The following CSMD1 variants were observed in gnomAD, a reference collection of about 807,000 sequenced individuals.
CSMD1 encodes CUB and sushi domain-containing protein 1.
A neutral mutation model predicts 417.5 loss-of-function variants in CSMD1; 213 were observed. That is an observed-to-expected ratio of 0.51 (90% confidence interval 0.46 to 0.57). The LOEUF is 0.57. Among genes scored for constraint, CSMD1 ranks in the 20% least tolerant of loss-of-function variants. The pLI is 0.00. For missense variants in CSMD1, 6,923 were observed against 4,529.7 expected (o/e 1.53, Z -15.17); for synonymous variants, 2,862 against 1,736.8 (o/e 1.65, Z -16.11).
chr8:2,952,907 T>C (rs1051020033), intron 65 of CSMD1, among the ~76,000 whole-genome samples: 1 of 152,154 alleles, frequency 6.6e-6, no homozygotes, highest in Admixed American at 6.5e-5. Context: ...ATAATTTCAC[T>C]TGTTGCTGGC....
chr8:4,311,103 G>T (rs1057364997), intron 3 of CSMD1, among the ~76,000 whole-genome samples: 2 of 152,276 alleles, frequency 1.3e-5, no homozygotes, highest in African/African-American at 4.8e-5. Context: ...TATCTTCAAA[G>T]AGCTAGAAGC....
In CSMD1 at chr8:3,694,496, A is replaced by G. The variant is rs2624060; in HGVS notation, c.1009+13918T>C. Among the ~76,000 whole-genome samples the G allele has an allele frequency of 5.5e-3, 840 of 152,210 alleles. 10 individuals are homozygous for G. The highest frequency in any genetic ancestry group is 0.018 in the African/African-American group (741 of 41,554). ...GGCCGAAAACACCATCTGGGAAAGC[A>G]TGTGCATAGAGACAGTCTTTAAGAT... On this transcript the variant is annotated intron_variant, in intron 7 of 69. Transcript: ENST00000635120.
At chr8:3,372,946 G>A (rs1233424273) in intron 18 of CSMD1, among the ~76,000 whole-genome samples, 1 of 152,130 alleles carries the variant, frequency 6.6e-6, no homozygotes, top group Non-Finnish European at 1.5e-5. Context: ...GAATTCAGAA[G>A]GTTTGGATTC....
rs1275337549 is a variant in CSMD1, at chr8:3,718,229, T to G, written c.932-9738A>C. 3.3e-5 allele frequency among the ~76,000 whole-genome samples: 5 copies of G among 152,220 alleles called. No homozygotes were observed. The East Asian group carries it at 9.6e-4, about 29-fold the overall frequency. On this transcript the variant is annotated intron_variant, in intron 6 of 69. Coordinates refer to ENST00000635120, the MANE Select transcript of CSMD1 (RefSeq NM_033225.6). ...TTTTTTTAAAGTCTGGAAACAGTTG[T>G]TGTCTTCACAAGGTTATTTTGACTG...
intron 7 of CSMD1, among the ~76,000 whole-genome samples, chr8:3,639,379 G>C (rs188551139): frequency 9.2e-5 from 14 of 152,202 alleles, no homozygotes; most frequent in Admixed American, 7.9e-4. Flanking sequence ...AAGTGAATGA[G>C]TGAGGGTTCA....
intron 3 of CSMD1, among the ~76,000 whole-genome samples, chr8:4,375,454 A>G (rs1457510973): frequency 6.6e-6 from 1 of 152,100 alleles, no homozygotes; most frequent in South Asian, 2.1e-4. Flanking sequence ...AGCTGTCCTC[A>G]CCCGTTTGTA....
At chr8:3,573,650 C>T (rs1321197782) in intron 10 of CSMD1, among the ~76,000 whole-genome samples, 2 of 152,106 alleles carry the variant, frequency 1.3e-5, no homozygotes, top group African/African-American at 4.8e-5. Context: ...AAAATCAGAA[C>T]ATTTCTCTTT....
intron 38 of CSMD1, 131 bp downstream of exon 38, chr8:3,162,028 T>C: frequency 1.6e-6 from 1 of 615,704 alleles, no homozygotes; most frequent in Non-Finnish European, 2.9e-6. Flanking sequence ...ACATGCATGA[T>C]TTAATATGAA....
intron 3 of CSMD1, among the ~76,000 whole-genome samples, chr8:4,288,116 C>T (rs1294054716): frequency 6.6e-6 from 1 of 152,104 alleles, no homozygotes; most frequent in Admixed American, 6.6e-5. Flanking sequence ...GCTAGCCATG[C>T]TTTCTGTTCC....
chr8:3,341,264 C>G (rs1203250617), intron 23 of CSMD1, among the ~76,000 whole-genome samples: 1 of 152,156 alleles, frequency 6.6e-6, no homozygotes, highest in Non-Finnish European at 1.5e-5. Flanking sequence ...CTCTGGAGCA[C>G]ATGGACCTTC....
intron 37 of CSMD1, among the ~76,000 whole-genome samples, chr8:3,176,326 A>G (rs1285794639): frequency 6.6e-6 from 1 of 151,780 alleles, no homozygotes; most frequent in African/African-American, 2.4e-5. Context: ...TCTGTAATTT[A>G]TCTGTGAACA....
At chr8:4,087,226 G>A (rs17068870) in intron 3 of CSMD1, among the ~76,000 whole-genome samples, 13,196 of 152,150 alleles carry the variant, frequency 0.087, 788 homozygotes, top group East Asian at 0.28. Context: ...AGCTCCCAAG[G>A]AACGGCTAAG....
chr8:3,942,254 A>C (rs1244186510), intron 5 of CSMD1, among the ~76,000 whole-genome samples: 1 of 152,098 alleles, frequency 6.6e-6, no homozygotes, highest in African/African-American at 2.4e-5. Context: ...AATAGAAATA[A>C]ACTGCACCAT....
chr8:3,375,722 C>A (rs1810265621), intron 18 of CSMD1, among the ~76,000 whole-genome samples: 1 of 152,026 alleles, frequency 6.6e-6, no homozygotes, highest in South Asian at 2.1e-4. Flanking sequence ...CCCATCTCAC[C>A]CTCAGAAAAA....
chr8:4,945,262 T>C (rs146388237), intron 1 of CSMD1, among the ~76,000 whole-genome samples: 2 of 152,150 alleles, frequency 1.3e-5, no homozygotes, highest in Non-Finnish European at 2.9e-5. Context: ...CATGGGGAGT[T>C]ACTGTTGAAT....
chr8:4,178,452 T>A (rs1798178005), intron 3 of CSMD1, among the ~76,000 whole-genome samples: 2 of 151,396 alleles, frequency 1.3e-5, no homozygotes, highest in South Asian at 4.2e-4. Context: ...GAGCTATCTA[T>A]AACAAACCCA....
intron 5 of CSMD1, among the ~76,000 whole-genome samples, chr8:3,822,624 A>T (rs923422585): frequency 6.6e-6 from 1 of 151,930 alleles, no homozygotes; most frequent in African/African-American, 2.4e-5. Flanking sequence ...GTCACCCGCT[A>T]CCTCTACTTG....
intron 3 of CSMD1, among the ~76,000 whole-genome samples, chr8:4,044,040 G>A (rs972257050): frequency 1.3e-5 from 2 of 151,932 alleles, no homozygotes; most frequent in Non-Finnish European, 2.9e-5. Context: ...AAAAAACGCT[G>A]AATAATTAGG....
intron 23 of CSMD1, among the ~76,000 whole-genome samples, chr8:3,324,013 A>AC (rs1234966065): frequency 1.4e-5 from 2 of 143,186 alleles, no homozygotes; most frequent in Admixed American, 7.0e-5. Context: ...ACCCCCAGAG[A>AC]CCCAGGAGGG....
Sources: gnomAD v4.1 joint callset for allele counts (sites outside exome capture counted in the v4.1 genomes callset) on GRCh38, gnomAD v4.1.1 for gene constraint, MANE v1.5 for transcripts, NCBI Gene and HGNC (gene_info 2026-07-23, HGNC 2026-07-21) for gene names.